Variants in KIAA1217 observed in about 807,000 individuals in gnomAD.
The protein encoded by KIAA1217 is sickle tail protein homolog.
Under a neutral mutation model 163.9 loss-of-function variants are expected in KIAA1217, and 88 were observed. That is an observed-to-expected ratio of 0.54 (90% CI 0.45 to 0.64). The LOEUF (loss-of-function observed/expected upper bound fraction) is 0.64, where lower values mean the gene tolerates loss of function less well. Among genes scored for constraint, KIAA1217 ranks in the 30% least tolerant of loss-of-function variants. KIAA1217 has a pLI of 0.00. For missense variants in KIAA1217, 2,372 were observed against 2,475.0 expected, an observed-to-expected ratio of 0.96 and a Z score of 0.88; for synonymous variants, 903 against 923.1, an observed-to-expected ratio of 0.98 and a Z score of 0.39.
intron 2 of KIAA1217, among the ~76,000 whole-genome samples, chr10:24,285,483 G>A (rs1213259115): frequency 6.6e-6 from 1 of 152,078 alleles, no homozygotes; most frequent in Non-Finnish European, 1.5e-5. Context: ...TTTCCCCATG[G>A]CTTAGTCTTA....
In KIAA1217 at chr10:24,546,236, C is replaced by T; in HGVS notation, c.5744C>T (p.Thr1915Ile). The T allele has an allele frequency of 1.2e-6, 2 of 1,614,202 alleles. No individual in the cohort carries two copies. Among genetic ancestry groups the T allele is most frequent in the East Asian group, 2.2e-5 (1 of 44,882 alleles). Residue 1915 changes from threonine (T) to isoleucine (I), a missense_variant, in exon 21 of 21, where the codon ACC (threonine) becomes ATC (isoleucine). Thr to Ile is a moderately conservative substitution (Grantham distance 89, BLOSUM62 -1). This residue lies in a region of KIAA1217 where 690 missense variants were observed against 677.5 expected (regional missense o/e 1.02). Coordinates refer to ENST00000376454, the MANE Select transcript of KIAA1217 (RefSeq NM_019590.5). ...AATCAAGGTGCCAAGGGCACCAGGA[C>T]CATCCATACTCCCAGCCTCACCAGC... ...SLNQGAKGTRTIHTPSLTSYK... is the reference protein window; with the variant it reads ...SLNQGAKGTRIIHTPSLTSYK...
In KIAA1217 at chr10:23,847,892, G is replaced by A. The variant is rs141471212; in HGVS notation, c.-321+152658G>A. ...TCCCTCTATACACTGCTTTAAGTGT[G>A]TCCCAGAGATTCTGGTACATTGTGT... is the stretch of plus-strand genomic sequence containing the variant. On this transcript the variant is annotated intron_variant, in intron 1 of 18. Coordinates refer to the KIAA1217 transcript ENST00000376462. 6.8e-3 allele frequency among the ~76,000 whole-genome samples: 1,034 copies of A among 152,178 alleles called. 3 individuals carry two copies. Among genetic ancestry groups the A allele is most frequent in the Non-Finnish European group, 0.011 (729 of 67,988 alleles).
rs1252846821 is a variant in KIAA1217 at position 24,542,680 on chromosome 10, A to G, written c.3535-13A>G. On this transcript the variant is annotated splice_polypyrimidine_tract_variant and intron_variant, in intron 17 of 20. Coordinates refer to ENST00000376454, the MANE Select transcript of KIAA1217 (RefSeq NM_019590.5). ...GGTTTTGTGGAGTAACATGTCCTACACTATTCTACCAGAATTTGGAATTTT... is the reference window on the plus strand; with the variant it reads ...GGTTTTGTGGAGTAACATGTCCTACGCTATTCTACCAGAATTTGGAATTTT... The G allele has an allele frequency of 6.2e-7, 1 of 1,612,370 alleles. No individual in the cohort carries two copies. The highest frequency in any genetic ancestry group is 8.5e-7 in the Non-Finnish European group (1 of 1,178,340).
At chr10:23,845,753 A>G (rs903887923) in intron 1 of KIAA1217, among the ~76,000 whole-genome samples, 17 of 152,042 alleles carry the variant, frequency 1.1e-4, no homozygotes, top group African/African-American at 3.9e-4. Flanking sequence ...CCATTTGTCA[A>G]TTTTGCCTTT....
chr10:23,911,518 A>G (rs557698535), intron 1 of KIAA1217, among the ~76,000 whole-genome samples: 13 of 152,356 alleles, frequency 8.5e-5, no homozygotes, highest in African/African-American at 2.9e-4. Context: ...GTGTGTGCAC[A>G]CATGCATTTG....
At chr10:23,947,636 T>A (rs1001301851) in intron 1 of KIAA1217, among the ~76,000 whole-genome samples, 1 of 152,236 alleles carries the variant, frequency 6.6e-6, no homozygotes, top group Non-Finnish European at 1.5e-5. Flanking sequence ...AGTGTTAAAA[T>A]TATAAAATTG....
chr10:23,770,673 G>A (rs1166005872), intron 1 of KIAA1217, among the ~76,000 whole-genome samples: 2 of 152,152 alleles, frequency 1.3e-5, no homozygotes, highest in African/African-American at 4.8e-5. Context: ...ATTCACCACT[G>A]AGTCAATGTA....
chr10:24,528,190 C>A, intron 14 of KIAA1217, 71 bp downstream of exon 14: 1 of 1,248,364 alleles, frequency 8.0e-7, no homozygotes. Context: ...CCATCCACGA[C>A]AGCACATACT....
At chr10:24,456,240 T>C in intron 5 of KIAA1217, among the ~76,000 whole-genome samples, 1 of 152,216 alleles carries the variant, frequency 6.6e-6, no homozygotes, top group East Asian at 1.9e-4. Context: ...ATGATGTTCT[T>C]ACATTGGCTG....
intron 1 of KIAA1217, among the ~76,000 whole-genome samples, chr10:23,842,643 C>T (rs1838840681): frequency 6.6e-6 from 1 of 151,940 alleles, no homozygotes; most frequent in Admixed American, 6.6e-5. Context: ...ACTATGTAAC[C>T]AACTTTTAAT....
chr10:23,797,122 G>A (rs1276667623), intron 1 of KIAA1217, among the ~76,000 whole-genome samples: 1 of 152,148 alleles, frequency 6.6e-6, no homozygotes, highest in Non-Finnish European at 1.5e-5. Context: ...TCTCAGAGCT[G>A]TAAAATGTAT....
At chr10:24,231,801 G>GTT (rs1203313894) in intron 2 of KIAA1217, among the ~76,000 whole-genome samples, 33 of 142,086 alleles carry the variant, frequency 2.3e-4, no homozygotes, top group East Asian at 4.0e-4. Context: ...TCACTCTTGG[G>GTT]TTTTTTTTTT....
At chr10:24,283,805 G>T (rs1046066469) in intron 2 of KIAA1217, among the ~76,000 whole-genome samples, 1 of 152,146 alleles carries the variant, frequency 6.6e-6, no homozygotes, top group Admixed American at 6.6e-5. Flanking sequence ...TCATTTTCTG[G>T]ATTTTAGTCA....
intron 3 of KIAA1217, among the ~76,000 whole-genome samples, chr10:24,388,580 G>T (rs974932856): frequency 5.3e-5 from 8 of 152,180 alleles, no homozygotes; most frequent in African/African-American, 1.9e-4. Context: ...AAACTAAAGA[G>T]CTTCTGTACA....
chr10:24,222,012 A>G (rs544015260), intron 2 of KIAA1217, among the ~76,000 whole-genome samples: 1 of 152,350 alleles, frequency 6.6e-6, no homozygotes, highest in Non-Finnish European at 1.5e-5. Context: ...GCTGAGAAAT[A>G]TAGAAATTGG....
chr10:23,994,181 C>G (rs1846359805), intron 1 of KIAA1217, among the ~76,000 whole-genome samples: 1 of 152,164 alleles, frequency 6.6e-6, no homozygotes, highest in African/African-American at 2.4e-5. Context: ...AAAAACCCTC[C>G]CATTGACAAG....
At chr10:24,006,731 C>T (rs979317492) in intron 1 of KIAA1217, among the ~76,000 whole-genome samples, 2 of 152,176 alleles carry the variant, frequency 1.3e-5, no homozygotes, top group African/African-American at 2.4e-5. Context: ...ATGAGCATGA[C>T]CATGACCATG....
At chr10:24,288,206 A>G (rs1180406184) in intron 2 of KIAA1217, among the ~76,000 whole-genome samples, 2 of 152,236 alleles carry the variant, frequency 1.3e-5, no homozygotes, top group South Asian at 2.1e-4. Context: ...TGGAAGTTGG[A>G]TTATGTATAT....
At chr10:23,900,813 G>A (rs1841925801) in intron 1 of KIAA1217, among the ~76,000 whole-genome samples, 1 of 152,054 alleles carries the variant, frequency 6.6e-6, no homozygotes, top group Non-Finnish European at 1.5e-5. Flanking sequence ...AATTCCAACT[G>A]TATCATGTCC....
Sources: allele counts gnomAD v4.1 joint callset (sites outside exome capture counted in the v4.1 genomes callset), GRCh38; gene constraint gnomAD v4.1.1; regional missense constraint gnomAD v4.1.1; transcripts MANE v1.5; gene names NCBI Gene and HGNC (gene_info 2026-07-23, HGNC 2026-07-21).